Variants in DGKB observed in about 807,000 individuals in gnomAD.
DGKB encodes the protein 90 kDa diacylglycerol kinase.
In DGKB, 67 loss-of-function variants were observed where a neutral mutation model predicts 114.3. That is an observed-to-expected ratio of 0.59 (90% CI 0.48 to 0.72). The LOEUF (loss-of-function observed/expected upper bound fraction) is 0.72. Ranked by LOEUF, DGKB falls within the 30% of genes least tolerant of loss-of-function variation. The pLI is 0.00. For missense variants in DGKB, 907 were observed against 975.2 expected, an observed-to-expected ratio of 0.93 and a Z score of 0.93; for synonymous variants, 398 against 323.1, an observed-to-expected ratio of 1.23 and a Z score of -2.49.
chr7:14,861,838 T>G (rs1448539657), intron 1 of DGKB, among the ~76,000 whole-genome samples: 7 of 151,996 alleles, frequency 4.6e-5, no homozygotes, highest in Admixed American at 4.6e-4. Context: ...ATTGTCTGAA[T>G]ACATCTTAAT....
At chr7:14,639,716 TC>T (rs1811385985) in intron 13 of DGKB, among the ~76,000 whole-genome samples, 1 of 152,234 alleles carries the variant, frequency 6.6e-6, no homozygotes, top group Non-Finnish European at 1.5e-5. Context: ...GCTTGCCTCT[TC>T]CTTTTTCTGC....
At chr7:14,458,121 A>T (rs967392073) in intron 21 of DGKB, among the ~76,000 whole-genome samples, 1 of 152,172 alleles carries the variant, frequency 6.6e-6, no homozygotes, top group Non-Finnish European at 1.5e-5. Flanking sequence ...TGGAATTAGG[A>T]ATCTATGGGA....
At chr7:14,642,681 C>G (rs1397681806) in intron 13 of DGKB, among the ~76,000 whole-genome samples, 3 of 152,154 alleles carry the variant, frequency 2.0e-5, no homozygotes, top group African/African-American at 4.8e-5. Flanking sequence ...AAAATTACCT[C>G]TGTTAACTTT....
chr7:14,529,320 T>G (rs1375423273), intron 20 of DGKB, among the ~76,000 whole-genome samples: 1 of 151,796 alleles, frequency 6.6e-6, no homozygotes, highest in Non-Finnish European at 1.5e-5. Flanking sequence ...GCTTAACATG[T>G]GTTTGTTATA....
chr7:14,231,387 C>T (rs1791818250), intron 23 of DGKB, among the ~76,000 whole-genome samples: 1 of 151,904 alleles, frequency 6.6e-6, no homozygotes, highest in Admixed American at 6.6e-5. Context: ...ATCCACCTGC[C>T]TTGGCCTCCC....
chr7:14,968,309 G>A (rs1263429559), intron 1 of DGKB, among the ~76,000 whole-genome samples: 2 of 151,822 alleles, frequency 1.3e-5, no homozygotes, highest in Admixed American at 1.3e-4. Flanking sequence ...AATAATCTTT[G>A]ATCTATTGTG....
chr7:14,393,145 T>A (rs373310827), intron 21 of DGKB, among the ~76,000 whole-genome samples: 5 of 151,770 alleles, frequency 3.3e-5, no homozygotes, highest in East Asian at 1.9e-4. Flanking sequence ...GCCCGCCACC[T>A]TGCCAGGCTA....
At chr7:14,845,138 A>G (rs1332436596) in intron 1 of DGKB, among the ~76,000 whole-genome samples, 6 of 138,288 alleles carry the variant, frequency 4.3e-5, no homozygotes, top group Non-Finnish European at 7.9e-5. Context: ...AAAAAAAAAA[A>G]AGAAAGAAAG....
intron 21 of DGKB, among the ~76,000 whole-genome samples, chr7:14,370,727 T>C (rs1817491477): frequency 1.3e-5 from 2 of 152,118 alleles, no homozygotes; most frequent in South Asian, 4.2e-4. Flanking sequence ...CATGGGTATA[T>C]TGCATGAAGC....
At chr7:14,170,408 T>C (rs1780820482) in intron 25 of DGKB, among the ~76,000 whole-genome samples, 2 of 151,954 alleles carry the variant, frequency 1.3e-5, no homozygotes, top group South Asian at 4.1e-4. Context: ...GGAAATTAAA[T>C]AAGTAATAAA....
chr7:14,343,317 G>C (rs990469371), intron 22 of DGKB, among the ~76,000 whole-genome samples: 4 of 151,772 alleles, frequency 2.6e-5, no homozygotes, highest in Admixed American at 6.6e-5. Context: ...CAGGCTGAGA[G>C]AGTAAGCAGA....
chr7:14,479,059 A>G (rs1016189768), intron 20 of DGKB, among the ~76,000 whole-genome samples: 4 of 152,102 alleles, frequency 2.6e-5, no homozygotes, highest in Non-Finnish European at 2.9e-5. Context: ...AAGTGTGGAG[A>G]TATTTTCCCA....
In DGKB at chr7:14,173,174, C is replaced by A. The variant is rs868410816; in HGVS notation, c.2304+3665G>T. ...ATTTATGTTGATGGCTTTACAGTGACAGAATCTAGATGGTCCTAAAAATAA... is the reference window on the plus strand; with the variant it reads ...ATTTATGTTGATGGCTTTACAGTGAAAGAATCTAGATGGTCCTAAAAATAA... On this transcript the variant is annotated intron_variant, in intron 25 of 25. Coordinates refer to ENST00000402815, the MANE Select transcript of DGKB (RefSeq NM_001350709.2). 2.6e-5 allele frequency among the ~76,000 whole-genome samples: 4 copies of A among 152,298 alleles called. No individual in the cohort carries two copies. In the Middle Eastern group the frequency reaches 0.01, roughly 389 times the overall value.
At chr7:14,318,482 C>G (rs1202828541) in intron 23 of DGKB, among the ~76,000 whole-genome samples, 16 of 152,222 alleles carry the variant, frequency 1.1e-4, no homozygotes, top group African/African-American at 3.4e-4. Context: ...CGAAGGACAT[C>G]AACAGACACT....
chr7:14,281,318 A>G (rs1799918632), intron 23 of DGKB, among the ~76,000 whole-genome samples: 2 of 148,482 alleles, frequency 1.3e-5, no homozygotes, highest in Admixed American at 6.8e-5. Context: ...TAACTATCCT[A>G]AATATATATG....
At chr7:14,932,594 G>A (rs1055461095) in intron 1 of DGKB, among the ~76,000 whole-genome samples, 3 of 152,106 alleles carry the variant, frequency 2.0e-5, no homozygotes, top group Non-Finnish European at 4.4e-5. Flanking sequence ...ATATCTCAAT[G>A]CTTTCCATAT....
intron 21 of DGKB, 66 bp from the exon 22 acceptor site, chr7:14,345,457 G>C: frequency 1.3e-6 from 1 of 760,342 alleles, no homozygotes; most frequent in Non-Finnish European, 2.2e-6. Flanking sequence ...TTAAAAAATG[G>C]TCTAACTCTG....
chr7:14,171,753 AT>A (rs1781028072), intron 25 of DGKB, among the ~76,000 whole-genome samples: 1 of 152,232 alleles, frequency 6.6e-6, no homozygotes, highest in African/African-American at 2.4e-5. Flanking sequence ...GTGAAAGAAG[AT>A]TTAGTAGAAA....
At chr7:14,176,622 C>A (rs1164778749) in intron 25 of DGKB, 2 of 1,283,260 alleles carry the variant, frequency 1.6e-6, no homozygotes, top group South Asian at 2.6e-5. Flanking sequence ...TATACTTAGG[C>A]TAACACAAAC....
Sources: gnomAD v4.1 joint callset for allele counts (sites outside exome capture counted in the v4.1 genomes callset) on GRCh38, gnomAD v4.1.1 for gene constraint, MANE v1.5 for transcripts, NCBI Gene and HGNC (gene_info 2026-07-23, HGNC 2026-07-21) for gene names.